TVP23A: variants seen among roughly 807,000 people sequenced by gnomAD.
TVP23A encodes the protein Golgi apparatus membrane protein TVP23 homolog A.
Under a neutral mutation model 31.7 loss-of-function variants are expected in TVP23A, and 21 were observed. The ratio of observed to expected loss-of-function variants is 0.66; its 90% CI spans 0.47 to 0.95. The LOEUF is 0.95. Ranked by LOEUF, TVP23A falls within the 40% of genes least tolerant of loss-of-function variation. TVP23A has a pLI of 0.00. For missense variants in TVP23A, 279 were observed against 255.6 expected, an observed-to-expected ratio of 1.09 and a Z score of -0.62; for synonymous variants, 104 against 96.0, an observed-to-expected ratio of 1.08 and a Z score of -0.49.
At position 10,768,256 on chromosome 16, in the gene TVP23A, G is replaced by A; in HGVS notation, c.*846C>T. 7.7e-6 allele frequency: 3 copies of A among 389,698 alleles called. No individual in the cohort carries two copies. The highest frequency in any genetic ancestry group is 9.2e-6 in the Non-Finnish European group (2 of 217,216). The allele number at this position is 389,698 out of a possible 1,614,324, so 24.1% of individuals were successfully genotyped here. On this transcript the variant is annotated 3_prime_UTR_variant, in exon 8 of 8. Transcript: ENST00000299866. The surrounding 1 kb of genome is among the most constrained non-coding windows in gnomAD (Gnocchi z 4.3). ...TGGTGAGGGTGAAATTTATGGCTTA[G>A]GAAATACATCCCAATAAAGGGATAA...
At position 10,801,006 on chromosome 16, in the gene TVP23A, T is replaced by C. The variant is rs186808216; in HGVS notation, c.89+17097A>G. ...ACCCTGTCTCAAAAAATATACTTTG[T>C]TAAAAAAACAGTATTCCTGCTTTTT... On this transcript the variant is annotated intron_variant, in intron 2 of 7. Transcript: ENST00000299866. Among the ~76,000 whole-genome samples the C allele has an allele frequency of 2.9e-3, 434 of 152,186 alleles. 4 individuals carry two copies. The highest frequency in any genetic ancestry group is 1.0e-2 in the African/African-American group (414 of 41,528).
At chr16:10,775,573 G>GCCAT in intron 2 of TVP23A, 2 of 1,001,194 alleles carry the variant, frequency 2.0e-6, no homozygotes, top group Non-Finnish European at 1.2e-6. Flanking sequence ...CATGTGACCT[G>GCCAT]TGAATGGCAG....
Position 10,818,073 on chromosome 16 carries a change from AC to A in TVP23A, c.89+29del. ...ATGAATGAATTTGCAGCTTTGGGGA[AC>A]GCCTGACCCAAGCTCCATCCCAACA... On this transcript the variant is annotated intron_variant, in intron 2 of 7. Coordinates refer to ENST00000299866, the MANE Select transcript of TVP23A (RefSeq NM_001079512.4). This position sits in a 1 kb window ranked among gnomAD's most constrained non-coding sequence, Gnocchi z 4.7. 1 of 1,570,342 alleles carries A rather than the reference AC, an allele frequency of 6.4e-7. No individual in the cohort carries two copies. Among genetic ancestry groups the A allele is most frequent in the Non-Finnish European group, 8.7e-7 (1 of 1,149,104 alleles).
In TVP23A at chr16:10,768,936, C is replaced by G. The variant is rs568269318; in HGVS notation, c.*166G>C. On this transcript the variant is annotated 3_prime_UTR_variant, in exon 8 of 8. Coordinates refer to ENST00000299866, the MANE Select transcript of TVP23A (RefSeq NM_001079512.4). This position sits in a 1 kb window ranked among gnomAD's most constrained non-coding sequence, Gnocchi z 4.3. ...CACAGACACAGGTCTTTTTATGGAACTAGCCAGAGGATTCCACCCCTGTCA... is the reference window on the plus strand; with the variant it reads ...CACAGACACAGGTCTTTTTATGGAAGTAGCCAGAGGATTCCACCCCTGTCA... 1.1e-6 allele frequency: 1 copy of G among 905,848 alleles called. No homozygotes were observed. Among genetic ancestry groups the G allele is most frequent in the African/African-American group, 1.7e-5 (1 of 59,934 alleles). The allele number at this position is 905,848 out of a possible 1,614,324, so 56.1% of individuals were successfully genotyped here.
In TVP23A at chr16:10,770,303, C is replaced by A. The variant is rs774049640; in HGVS notation, c.611G>T (p.Gly204Val). ...TACPGDFQKP[G>V]LEGLEIHQH ...CTGGTGAATCTCCAGCCCCTCGAGG[C>A]CAGGCTTCTGAAAGTCACCTGGGCA... The change falls in exon 7 of 8, where the codon GGC becomes GTC. Residue 204 changes from glycine (G) to valine (V), a missense_variant. Coordinates refer to ENST00000299866, the MANE Select transcript of TVP23A (RefSeq NM_001079512.4). 6.4e-7 allele frequency: 1 copy of A among 1,551,096 alleles called. No homozygotes were observed.
downstream of TVP23A, among the ~76,000 whole-genome samples, chr16:10,760,597 C>T (rs922704769): frequency 4.6e-5 from 7 of 152,104 alleles, no homozygotes; most frequent in Admixed American, 1.3e-4. Context: ...GTTAGCCAGG[C>T]AGAGTAGCAC....
chr16:10,798,264 T>C (rs923816593), intron 2 of TVP23A, among the ~76,000 whole-genome samples: 2 of 152,128 alleles, frequency 1.3e-5, no homozygotes, highest in African/African-American at 2.4e-5. Context: ...GCCTTTTTTT[T>C]CTTTTTTTAA....
chr16:10,799,879 G>A (rs1322110832), intron 2 of TVP23A, among the ~76,000 whole-genome samples: 1 of 152,162 alleles, frequency 6.6e-6, no homozygotes, highest in Non-Finnish European at 1.5e-5. Context: ...AGAGGCCCGA[G>A]ACTGACTTTC....
At chr16:10,809,993 A>G (rs2034120551) in intron 2 of TVP23A, among the ~76,000 whole-genome samples, 1 of 152,240 alleles carries the variant, frequency 6.6e-6, no homozygotes, top group African/African-American at 2.4e-5. Flanking sequence ...AATGCCCATC[A>G]ATGTATGAAT....
At chr16:10,789,611 C>A (rs1031682215) in intron 2 of TVP23A, among the ~76,000 whole-genome samples, 28 of 147,038 alleles carry the variant, frequency 1.9e-4, no homozygotes, top group African/African-American at 7.2e-4. Flanking sequence ...GGTGGATCAC[C>A]TGAGGTCAGG....
intron 2 of TVP23A, among the ~76,000 whole-genome samples, chr16:10,811,593 AACACAC>A (rs372503368): frequency 2.0e-5 from 3 of 150,848 alleles, no homozygotes; most frequent in East Asian, 1.9e-4. Flanking sequence ...TATTAAATTA[AACACAC>A]ACACACACAC....
chr16:10,784,614 T>G (rs2032633915), intron 2 of TVP23A, among the ~76,000 whole-genome samples: 1 of 151,758 alleles, frequency 6.6e-6, no homozygotes, highest in African/African-American at 2.4e-5. Context: ...TCATAAAATG[T>G]ACAACATCAA....
In TVP23A at chr16:10,813,999, C is replaced by CAAAAA. The variant is rs201277067; in HGVS notation, c.89+4099_89+4103dup. On this transcript the variant is annotated intron_variant, in intron 2 of 7. Coordinates refer to ENST00000299866, the MANE Select transcript of TVP23A (RefSeq NM_001079512.4). ...GGGCAAAAAGAGTGAAACTCCATCT[C>CAAAAA]AAAAAAAAAAAAAAAAAAAAAAAAA... is the stretch of plus-strand genomic sequence containing the variant. 5.5e-4 allele frequency among the ~76,000 whole-genome samples: 27 copies of CAAAAA among 49,508 alleles called. 1 individual carries two copies. Among genetic ancestry groups the CAAAAA allele is most frequent in the African/African-American group, 7.4e-4 (17 of 23,036 alleles). 32.5% of individuals were successfully genotyped at this position (49,508 alleles called of 152,430 possible).
At chr16:10,786,474 T>C (rs571646652) in intron 2 of TVP23A, among the ~76,000 whole-genome samples, 9 of 152,208 alleles carry the variant, frequency 5.9e-5, no homozygotes, top group Non-Finnish European at 8.8e-5. Flanking sequence ...ACTGTACTCC[T>C]TTTTTTAAGC....
At chr16:10,775,836 C>T (rs1261155356) in intron 2 of TVP23A, among the ~76,000 whole-genome samples, 5 of 149,356 alleles carry the variant, frequency 3.3e-5, no homozygotes, top group Non-Finnish European at 1.5e-5. Flanking sequence ...GCAACCTCCA[C>T]CTCCCGGGTT....
In TVP23A at chr16:10,768,139, A is replaced by T; in HGVS notation, c.*963T>A. ...GTGGGTGGTGGGGTCTGTGATGACC[A>T]CAGAGTGGCCCCCATAGCCGAGGAA... is the stretch of plus-strand genomic sequence containing the variant. On this transcript the variant is annotated 3_prime_UTR_variant, in exon 8 of 8. Coordinates refer to ENST00000299866, the MANE Select transcript of TVP23A (RefSeq NM_001079512.4). The surrounding 1 kb of genome is among the most constrained non-coding windows in gnomAD (Gnocchi z 4.3). The T allele has an allele frequency of 1.0e-6, 1 of 987,254 alleles. No homozygotes were observed. Among genetic ancestry groups the T allele is most frequent in the Non-Finnish European group, 1.6e-6 (1 of 640,470 alleles). 61.2% of individuals were successfully genotyped at this position (987,254 alleles called of 1,614,324 possible).
chr16:10,788,293 G>T (rs112863216), intron 2 of TVP23A, among the ~76,000 whole-genome samples: 35 of 147,806 alleles, frequency 2.4e-4, no homozygotes, highest in Non-Finnish European at 4.8e-4. Flanking sequence ...GTTTTTTTTT[G>T]AGATGGAGTC....
At chr16:10,773,572 T>G (rs2031784007) in intron 4 of TVP23A, 131 bp from the exon 5 acceptor site, 1 of 1,177,506 alleles carries the variant, frequency 8.5e-7, no homozygotes, top group Non-Finnish European at 1.2e-6. Context: ...GGTGTTGTTT[T>G]GTTTTGTTTT....
intron 2 of TVP23A, among the ~76,000 whole-genome samples, chr16:10,791,220 C>T (rs549695345): frequency 2.0e-5 from 3 of 152,226 alleles, no homozygotes; most frequent in South Asian, 2.1e-4. Flanking sequence ...TGACCAGTAA[C>T]GCTCTTTTTG....
Sources: gnomAD v4.1 joint callset for allele counts (sites outside exome capture counted in the v4.1 genomes callset) on GRCh38, gnomAD v4.1.1 for gene constraint, Gnocchi (gnomAD v3.1) non-coding constraint, MANE v1.5 for transcripts, NCBI Gene and HGNC (gene_info 2026-07-23, HGNC 2026-07-21) for gene names.